Variants in ARHGAP15 observed in about 807,000 individuals in gnomAD.
ARHGAP15 encodes the protein Rho GTPase activating protein 15, also known as rho GTPase-activating protein 15.
Under a neutral mutation model 63.7 loss-of-function variants are expected in ARHGAP15, and 51 were observed. That is an observed-to-expected ratio of 0.80 (90% confidence interval 0.64 to 1.01). The LOEUF (loss-of-function observed/expected upper bound fraction) is 1.01. Ranked by LOEUF, ARHGAP15 falls within the 50% of genes least tolerant of loss-of-function variation. ARHGAP15 has a pLI of 0.00. For synonymous variants in ARHGAP15, 191 were observed against 193.8 expected (o/e 0.99, Z 0.12); for missense variants, 560 against 564.6 (o/e 0.99, Z 0.08).
At chr2:143,207,661 A>G (rs1692393188) in intron 3 of ARHGAP15, among the ~76,000 whole-genome samples, 1 of 152,088 alleles carries the variant, frequency 6.6e-6, no homozygotes, top group African/African-American at 2.4e-5. Context: ...ACTTTTATCC[A>G]TCAATCTCTA....
intron 8 of ARHGAP15, among the ~76,000 whole-genome samples, chr2:143,457,840 T>C (rs1690734271): frequency 6.6e-6 from 1 of 151,792 alleles, no homozygotes. Flanking sequence ...TCAAATTTAA[T>C]AGTATGCAAC....
chr2:143,250,382 C>T, intron 5 of ARHGAP15, 129 bp from the exon 6 acceptor site: 2 of 573,888 alleles, frequency 3.5e-6, no homozygotes, highest in African/African-American at 1.9e-5. Context: ...ATTAGGTTTC[C>T]CCTGGGGAAA....
At chr2:143,677,656 C>T (rs1682892076) in intron 12 of ARHGAP15, among the ~76,000 whole-genome samples, 1 of 152,118 alleles carries the variant, frequency 6.6e-6, no homozygotes, top group African/African-American at 2.4e-5. Context: ...GATGAAATAA[C>T]CTTTGTATTT....
chr2:143,712,395 C>A (rs944586347), intron 13 of ARHGAP15, among the ~76,000 whole-genome samples: 1 of 152,084 alleles, frequency 6.6e-6, no homozygotes, highest in African/African-American at 2.4e-5. Flanking sequence ...TAGCAAAATC[C>A]AGTCAAGGAT....
intron 6 of ARHGAP15, among the ~76,000 whole-genome samples, chr2:143,332,377 T>A (rs1387735860): frequency 6.6e-6 from 1 of 152,138 alleles, no homozygotes; most frequent in Non-Finnish European, 1.5e-5. Context: ...CATCCTCATA[T>A]TTTTAAAAAA....
At chr2:143,206,973 T>G (rs983476654) in intron 3 of ARHGAP15, among the ~76,000 whole-genome samples, 1 of 151,698 alleles carries the variant, frequency 6.6e-6, no homozygotes, top group Admixed American at 6.6e-5. Flanking sequence ...ACATATATTT[T>G]AACAGTGCCT....
intron 12 of ARHGAP15, among the ~76,000 whole-genome samples, chr2:143,670,806 A>AT (rs1292213652): frequency 2.0e-5 from 3 of 152,200 alleles, no homozygotes; most frequent in Admixed American, 2.0e-4. Flanking sequence ...CTAAGTATAT[A>AT]TTTTAAGGAA....
At chr2:143,752,194 C>G (rs1686402817) in intron 13 of ARHGAP15, among the ~76,000 whole-genome samples, 1 of 152,142 alleles carries the variant, frequency 6.6e-6, no homozygotes, top group South Asian at 2.1e-4. Context: ...TTACCAGTGT[C>G]TCAGCATCCC....
At chr2:143,626,161 T>G (rs1401397235) in intron 12 of ARHGAP15, among the ~76,000 whole-genome samples, 2 of 152,170 alleles carry the variant, frequency 1.3e-5, no homozygotes, top group African/African-American at 4.8e-5. Flanking sequence ...TTGATGGCTC[T>G]TGCAAGGGTT....
intron 11 of ARHGAP15, among the ~76,000 whole-genome samples, chr2:143,573,267 A>G (rs1267146056): frequency 6.6e-6 from 1 of 152,222 alleles, no homozygotes; most frequent in Non-Finnish European, 1.5e-5. Flanking sequence ...AGGTTTTTAA[A>G]GGGCTTAAAG....
chr2:143,682,529 C>A (rs1683150845), intron 12 of ARHGAP15: 1 of 152,164 alleles, frequency 6.6e-6, no homozygotes. Context: ...TATACACACA[C>A]ATGCACAGAT....
intron 11 of ARHGAP15, among the ~76,000 whole-genome samples, chr2:143,569,702 T>C: frequency 6.6e-6 from 1 of 152,172 alleles, no homozygotes. Flanking sequence ...GAAAATTAGC[T>C]GAACCTATTT....
At chr2:143,526,005 T>C (rs1040741575) in intron 10 of ARHGAP15, among the ~76,000 whole-genome samples, 6 of 152,176 alleles carry the variant, frequency 3.9e-5, no homozygotes, top group African/African-American at 9.7e-5. Context: ...ACCTGATACC[T>C]GCTTTGCTGT....
chr2:143,231,887 G>A (rs990484167), intron 5 of ARHGAP15, among the ~76,000 whole-genome samples: 9 of 152,254 alleles, frequency 5.9e-5, no homozygotes, highest in Admixed American at 1.3e-4. Context: ...GCAGACGTTC[G>A]TGTCTTTTCA....
intron 6 of ARHGAP15, among the ~76,000 whole-genome samples, chr2:143,344,892 T>G (rs1685203757): frequency 6.6e-6 from 1 of 152,070 alleles, no homozygotes; most frequent in African/African-American, 2.4e-5. Context: ...AAAATATAAC[T>G]AATGAGGAAG....
rs116314802 is a variant in ARHGAP15, at chr2:143,154,635, C to A, written c.-14-842C>A. On this transcript the variant is annotated intron_variant, in intron 1 of 13. Transcript: ENST00000295095. Reference sequence around the variant, plus strand: ...CAACCATTCTGTTTGTAATGAGGTGCTGTGTTCACTTGAGGAACTTTTGGG... The same window carrying A: ...CAACCATTCTGTTTGTAATGAGGTGATGTGTTCACTTGAGGAACTTTTGGG... 3.6e-3 allele frequency among the ~76,000 whole-genome samples: 545 copies of A among 151,952 alleles called. 1 individual carries two copies. The highest frequency in any genetic ancestry group is 0.013 in the African/African-American group (528 of 41,498).
intron 2 of ARHGAP15, among the ~76,000 whole-genome samples, chr2:143,168,945 G>A (rs764129445): frequency 6.6e-6 from 1 of 151,936 alleles, no homozygotes; most frequent in Non-Finnish European, 1.5e-5. Context: ...TAGCCAAAAT[G>A]TCTTTTTTGG....
chr2:143,148,499 T>A (rs934804823), intron 1 of ARHGAP15, among the ~76,000 whole-genome samples: 2 of 152,066 alleles, frequency 1.3e-5, no homozygotes, highest in African/African-American at 4.8e-5. Flanking sequence ...CTTATTCTAC[T>A]TTTAAAAAAT....
At chr2:143,752,934 C>T (rs543390014) in intron 13 of ARHGAP15, among the ~76,000 whole-genome samples, 49 of 152,184 alleles carry the variant, frequency 3.2e-4, no homozygotes, top group Middle Eastern at 3.4e-3. Context: ...GCCAGGAGTT[C>T]GAGACCAGCC....
Sources: allele counts gnomAD v4.1 joint callset (sites outside exome capture counted in the v4.1 genomes callset), GRCh38; gene constraint gnomAD v4.1.1; transcripts MANE v1.5; gene names NCBI Gene and HGNC (gene_info 2026-07-23, HGNC 2026-07-21).